KCND3: variants seen among roughly 807,000 people sequenced by gnomAD.
KCND3 encodes A-type voltage-gated potassium channel KCND3.
Under a neutral mutation model 51.1 loss-of-function variants are expected in KCND3, and 9 were observed. The ratio of observed to expected loss-of-function variants is 0.18; its 90% confidence interval spans 0.11 to 0.31. The LOEUF is 0.31. Ranked by LOEUF, KCND3 falls within the 10% of genes least tolerant of loss-of-function variation. The pLI, the probability that KCND3 is intolerant of heterozygous loss-of-function variation, is 1.00. For synonymous variants in KCND3, 349 were observed against 368.0 expected (o/e 0.95, Z 0.59); for missense variants, 526 against 903.8 (o/e 0.58, Z 5.36).
intron 2 of KCND3, among the ~76,000 whole-genome samples, chr1:111,858,695 C>G (rs912722120): frequency 2.0e-5 from 3 of 152,138 alleles, no homozygotes; most frequent in African/African-American, 7.2e-5. Flanking sequence ...CTGAAAGTCC[C>G]CCATCCCAGG....
chr1:111,889,025 G>C, intron 2 of KCND3, among the ~76,000 whole-genome samples: 1 of 152,254 alleles, frequency 6.6e-6, no homozygotes, highest in East Asian at 1.9e-4. Context: ...GGCAGGGGTT[G>C]GTTCATCACT....
At chr1:111,863,397 G>A (rs1462138294) in intron 2 of KCND3, among the ~76,000 whole-genome samples, 2 of 152,106 alleles carry the variant, frequency 1.3e-5, no homozygotes, top group Non-Finnish European at 2.9e-5. Flanking sequence ...TCTTTAAGGT[G>A]GGGTTGCAAA....
At chr1:111,971,101 C>A (rs1674302049) in intron 2 of KCND3, among the ~76,000 whole-genome samples, 2 of 152,230 alleles carry the variant, frequency 1.3e-5, no homozygotes, top group South Asian at 4.1e-4. Context: ...GTGTCACCCA[C>A]GAAGGTAGTA....
chr1:111,845,689 G>A (rs1667515458), intron 2 of KCND3, among the ~76,000 whole-genome samples: 1 of 152,190 alleles, frequency 6.6e-6, no homozygotes, highest in Admixed American at 6.6e-5. Flanking sequence ...AGCCCTGTGA[G>A]GTGCTTCTAT....
In KCND3 at chr1:111,790,808, A is replaced by G. The variant is rs1664794309; in HGVS notation, c.1107-3702T>C. On this transcript the variant is annotated intron_variant, in intron 2 of 7. Coordinates refer to ENST00000302127, the MANE Select transcript of KCND3 (RefSeq NM_001378969.1). ...TAGATGTCCCCGTTTTGGACAATTC[A>G]TGTGAATGGAACCATATATGTGGCT... Among the ~76,000 whole-genome samples the G allele has an allele frequency of 1.3e-5, 2 of 152,360 alleles. 1 individual carries two copies. The highest frequency in any genetic ancestry group is 6.8e-3 in the Middle Eastern group (2 of 294).
chr1:111,894,591 C>A (rs917244815), intron 2 of KCND3, among the ~76,000 whole-genome samples: 1 of 152,224 alleles, frequency 6.6e-6, no homozygotes, highest in Non-Finnish European at 1.5e-5. Flanking sequence ...AATAGTTTGA[C>A]TCTCTTCCCG....
chr1:111,786,896 C>T (rs1557936710), intron 3 of KCND3, 48 bp downstream of exon 3: 1 of 1,609,600 alleles, frequency 6.2e-7, no homozygotes, highest in East Asian at 2.2e-5. Flanking sequence ...GACTGGTGCT[C>T]CCCCGCATCC....
At chr1:111,894,153 G>T (rs2101769915) in intron 2 of KCND3, among the ~76,000 whole-genome samples, 1 of 152,304 alleles carries the variant, frequency 6.6e-6, no homozygotes, top group East Asian at 1.9e-4. Flanking sequence ...CTGTGGTGTG[G>T]TTGAGGGCTC....
At chr1:111,961,183 A>G (rs1239474218) in intron 2 of KCND3, among the ~76,000 whole-genome samples, 2 of 152,158 alleles carry the variant, frequency 1.3e-5, no homozygotes, top group Non-Finnish European at 2.9e-5. Flanking sequence ...GGGCCTGTCC[A>G]CCTGCACTCA....
At chr1:111,913,780 G>A (rs373098421) in intron 2 of KCND3, among the ~76,000 whole-genome samples, 17 of 152,026 alleles carry the variant, frequency 1.1e-4, no homozygotes, top group Admixed American at 3.9e-4. Flanking sequence ...CCTCTGATCC[G>A]AGCGACTCAG....
chr1:111,923,018 G>T (rs1055755003), intron 2 of KCND3, among the ~76,000 whole-genome samples: 2 of 152,222 alleles, frequency 1.3e-5, no homozygotes, highest in Non-Finnish European at 2.9e-5. Context: ...TGGAACACCA[G>T]TGAGGAGGCC....
intron 2 of KCND3, among the ~76,000 whole-genome samples, chr1:111,883,843 C>T (rs1669445437): frequency 6.6e-6 from 1 of 152,230 alleles, no homozygotes; most frequent in East Asian, 1.9e-4. Context: ...TGACTTACTA[C>T]ATGTGCAAGG....
chr1:111,921,913 G>A (rs1671491410), intron 2 of KCND3, among the ~76,000 whole-genome samples: 1 of 152,212 alleles, frequency 6.6e-6, no homozygotes, highest in Non-Finnish European at 1.5e-5. Context: ...GGGAGATAAT[G>A]TGGATGCCTA....
intron 2 of KCND3, among the ~76,000 whole-genome samples, chr1:111,876,925 A>G (rs1443013759): frequency 6.6e-6 from 1 of 152,200 alleles, no homozygotes; most frequent in Non-Finnish European, 1.5e-5. Flanking sequence ...GACCTTCGGC[A>G]TCGTTCTCTC....
At chr1:111,853,906 G>C (rs974234104) in intron 2 of KCND3, 3 of 152,238 alleles carry the variant, frequency 2.0e-5, no homozygotes, top group African/African-American at 7.2e-5. Context: ...TTTGGTACTT[G>C]CTCCAAACAC....
chr1:111,882,091 G>C (rs375222279), intron 2 of KCND3, among the ~76,000 whole-genome samples: 2 of 152,200 alleles, frequency 1.3e-5, no homozygotes, highest in African/African-American at 4.8e-5. Flanking sequence ...GCTGCTGGCT[G>C]TTGGAGTGAG....
chr1:111,933,037 A>C (rs775194301), intron 2 of KCND3, among the ~76,000 whole-genome samples: 6 of 152,216 alleles, frequency 3.9e-5, no homozygotes, highest in Non-Finnish European at 7.4e-5. Flanking sequence ...GGGTGGGACC[A>C]GGTGGAAGTA....
At chr1:111,917,287 G>A (rs548046924) in intron 2 of KCND3, among the ~76,000 whole-genome samples, 6 of 152,278 alleles carry the variant, frequency 3.9e-5, no homozygotes, top group African/African-American at 1.2e-4. Context: ...TAAAAAGGAT[G>A]CAAACTGGAA....
At chr1:111,852,953 C>A (rs775398240) in intron 2 of KCND3, among the ~76,000 whole-genome samples, 4 of 152,172 alleles carry the variant, frequency 2.6e-5, no homozygotes, top group Non-Finnish European at 5.9e-5. Context: ...TTGTTTAACC[C>A]TGGTCCTCCA....
Sources: allele counts gnomAD v4.1 joint callset (sites outside exome capture counted in the v4.1 genomes callset), GRCh38; gene constraint gnomAD v4.1.1; transcripts MANE v1.5; gene names NCBI Gene and HGNC (gene_info 2026-07-23, HGNC 2026-07-21).